Variants in EML6 observed in about 807,000 individuals in gnomAD.
EML6 encodes the protein echinoderm microtubule-associated protein-like 6.
EML6 carries 154 observed loss-of-function variants against 240.1 expected under a neutral mutation model. The observed-to-expected ratio is 0.64, with a 90% confidence interval of 0.56 to 0.73. The LOEUF (loss-of-function observed/expected upper bound fraction) is 0.73, where lower values mean the gene tolerates loss of function less well. Ranked by LOEUF, EML6 falls within the 30% of genes least tolerant of loss-of-function variation. The pLI is 0.00. For missense variants in EML6, 2,964 were observed against 2,474.6 expected, an observed-to-expected ratio of 1.20 and a Z score of -4.20; for synonymous variants, 1,148 against 899.0, an observed-to-expected ratio of 1.28 and a Z score of -4.95.
At chr2:54,894,085 T>C (rs1161497745) in intron 19 of EML6, among the ~76,000 whole-genome samples, 1 of 152,058 alleles carries the variant, frequency 6.6e-6, no homozygotes, top group African/African-American at 2.4e-5. Flanking sequence ...AAATTCTATA[T>C]AAGAATAAGG....
intron 25 of EML6, among the ~76,000 whole-genome samples, chr2:54,914,949 C>A (rs1454090604): frequency 6.6e-6 from 1 of 152,094 alleles, no homozygotes; most frequent in Non-Finnish European, 1.5e-5. Context: ...AGCAAACCTC[C>A]CCCTTCGGCT....
At chr2:54,844,314 A>T (rs1669634825) in intron 8 of EML6, 66 bp downstream of exon 8, 1 of 1,290,286 alleles carries the variant, frequency 7.8e-7, no homozygotes, top group African/African-American at 1.5e-5. Context: ...AAATTTGCTT[A>T]TTAATAGAAG....
chr2:54,917,353 T>G (rs903467861), intron 26 of EML6, among the ~76,000 whole-genome samples: 6 of 100,384 alleles, frequency 6.0e-5, no homozygotes, highest in Admixed American at 9.0e-5. Flanking sequence ...TCCCTTTTTT[T>G]TTTTGTTTTT....
chr2:54,878,105 A>AATATACATAT (rs1671604461), intron 16 of EML6, among the ~76,000 whole-genome samples: 4 of 152,230 alleles, frequency 2.6e-5, no homozygotes, highest in Non-Finnish European at 5.9e-5. Context: ...ATAAATATGT[A>AATATACATAT]ATATACATAT....
intron 17 of EML6, among the ~76,000 whole-genome samples, chr2:54,883,946 C>T (rs779491664): frequency 2.0e-5 from 3 of 152,224 alleles, no homozygotes; most frequent in Non-Finnish European, 2.9e-5. Context: ...CTCACCCAAA[C>T]TCAAAGTGCT....
At chr2:54,791,017 G>A (rs928534227) in intron 2 of EML6, among the ~76,000 whole-genome samples, 2 of 152,126 alleles carry the variant, frequency 1.3e-5, no homozygotes, top group Non-Finnish European at 1.5e-5. Context: ...GAGCCACCGC[G>A]CCCGGCCGGT....
chr2:54,869,155 A>G lies in EML6; in HGVS notation c.2052-26A>G, dbSNP rs113186343. 460 of 1,499,380 alleles carry G rather than the reference A, an allele frequency of 3.1e-4. 4 individuals are homozygous for G. In the African/African-American group the frequency reaches 4.8e-3, roughly 15 times the overall value. 92.9% of individuals were successfully genotyped at this position (1,499,380 alleles called of 1,614,324 possible). On this transcript the variant is annotated intron_variant, in intron 14 of 41. Coordinates refer to ENST00000356458, the MANE Select transcript of EML6 (RefSeq NM_001039753.4). The stretch of plus-strand genomic sequence containing the variant: ...TGCATTTGCTGTTTGTTCAACCACT[A>G]TGCATTTCTTGGACCTGTGCTTCAG...
chr2:54,782,750 C>T (rs2103857447), intron 2 of EML6, among the ~76,000 whole-genome samples: 1 of 150,828 alleles, frequency 6.6e-6, no homozygotes, highest in East Asian at 1.9e-4. Flanking sequence ...CATTGTTCAT[C>T]CCCACCCACC....
At chr2:54,819,632 T>C (rs541736307) in intron 4 of EML6, among the ~76,000 whole-genome samples, 1 of 151,976 alleles carries the variant, frequency 6.6e-6, no homozygotes, top group East Asian at 1.9e-4. Context: ...AAAAATTAAC[T>C]GGGCGTGGTG....
At chr2:54,745,772 C>A (rs1683884754) in intron 2 of EML6, among the ~76,000 whole-genome samples, 1 of 152,014 alleles carries the variant, frequency 6.6e-6, no homozygotes, top group South Asian at 2.1e-4. Flanking sequence ...CAGAGCAAGA[C>A]CCTATCTCAA....
At chr2:54,737,838 C>T (rs948355773) in intron 2 of EML6, among the ~76,000 whole-genome samples, 4 of 152,124 alleles carry the variant, frequency 2.6e-5, no homozygotes, top group Non-Finnish European at 5.9e-5. Flanking sequence ...GGGGATTTGG[C>T]CCCTTTTACC....
At chr2:54,811,106 C>A (rs78086473) in intron 2 of EML6, among the ~76,000 whole-genome samples, 2 of 152,078 alleles carry the variant, frequency 1.3e-5, no homozygotes, top group South Asian at 4.2e-4. Flanking sequence ...TCCCCTCTAC[C>A]CATGTCTTCC....
At chr2:54,819,559 C>A (rs988964123) in intron 4 of EML6, among the ~76,000 whole-genome samples, 1 of 152,052 alleles carries the variant, frequency 6.6e-6, no homozygotes, top group African/African-American at 2.4e-5. Context: ...AGGTGGATCA[C>A]GAGGTCACAA....
At chr2:54,895,898 A>G (rs1179939250) in intron 21 of EML6, among the ~76,000 whole-genome samples, 2 of 152,080 alleles carry the variant, frequency 1.3e-5, no homozygotes. Context: ...ACAGAGGGGA[A>G]AAAAATAGAT....
intron 17 of EML6, among the ~76,000 whole-genome samples, chr2:54,887,440 T>G (rs1416159689): frequency 6.6e-6 from 1 of 152,244 alleles, no homozygotes; most frequent in Non-Finnish European, 1.5e-5. Flanking sequence ...TGTCTATAAC[T>G]TGCTGATTTT....
intron 26 of EML6, among the ~76,000 whole-genome samples, chr2:54,924,456 T>C (rs1182539296): frequency 6.6e-6 from 1 of 152,218 alleles, no homozygotes; most frequent in African/African-American, 2.4e-5. Context: ...GTGTATTTCT[T>C]GAGTTCTCTA....
intron 28 of EML6, among the ~76,000 whole-genome samples, chr2:54,931,114 T>G (rs923354309): frequency 6.6e-6 from 1 of 151,588 alleles, no homozygotes; most frequent in Non-Finnish European, 1.5e-5. Context: ...CCCGCCACCA[T>G]GCCCGGCTAA....
At chr2:54,816,210 C>A (rs1007254420) in intron 3 of EML6, among the ~76,000 whole-genome samples, 2 of 152,098 alleles carry the variant, frequency 1.3e-5, no homozygotes, top group African/African-American at 4.8e-5. Context: ...GCATTTTATT[C>A]TTACTTTAAG....
chr2:54,947,141 C>T (rs772617705), intron 28 of EML6, among the ~76,000 whole-genome samples: 3 of 152,156 alleles, frequency 2.0e-5, no homozygotes, highest in South Asian at 2.1e-4. Flanking sequence ...TTGCTCTCCT[C>T]ATAGCCCCTG....
Sources: gnomAD v4.1 joint callset for allele counts (sites outside exome capture counted in the v4.1 genomes callset) on GRCh38, gnomAD v4.1.1 for gene constraint, MANE v1.5 for transcripts, NCBI Gene and HGNC (gene_info 2026-07-23, HGNC 2026-07-21) for gene names.